TPCN1: variants seen among roughly 807,000 people sequenced by gnomAD.
The protein encoded by TPCN1 is two pore segment channel 1.
TPCN1 carries 52 observed loss-of-function variants against 108.8 expected under a neutral mutation model. The observed-to-expected ratio is 0.48, with a 90% CI of 0.38 to 0.60. The LOEUF (loss-of-function observed/expected upper bound fraction) is 0.60. Among genes scored for constraint, TPCN1 ranks in the 20% least tolerant of loss-of-function variants. TPCN1 has a pLI of 0.00. For missense variants in TPCN1, 806 were observed against 1,072.8 expected (o/e 0.75, Z 3.47); for synonymous variants, 446 against 433.7 (o/e 1.03, Z -0.35).
At chr12:113,260,919 A>G (rs936386155) in intron 3 of TPCN1, among the ~76,000 whole-genome samples, 4 of 151,416 alleles carry the variant, frequency 2.6e-5, no homozygotes, top group Non-Finnish European at 5.9e-5. Context: ...TTGGCCAGGC[A>G]TGGTCGCTCA....
rs1423495323 is a variant in TPCN1, at chr12:113,266,707, G to T, written c.414+351G>T. On this transcript the variant is annotated intron_variant, in intron 4 of 27. Coordinates refer to ENST00000335509, the MANE Select transcript of TPCN1 (RefSeq NM_017901.6). The surrounding 1 kb of genome is among the most constrained non-coding windows in gnomAD (Gnocchi z 4.2). ...CAGCCTCAAAGGAGAAGGCAGTTCGGTGTGGTCACCATGGGAGGTGGGGGA... is the reference window on the plus strand; with the variant it reads ...CAGCCTCAAAGGAGAAGGCAGTTCGTTGTGGTCACCATGGGAGGTGGGGGA... Among the ~76,000 whole-genome samples the T allele has an allele frequency of 6.6e-6, 1 of 152,324 alleles. No homozygotes were observed. Among genetic ancestry groups the T allele is most frequent in the East Asian group, 1.9e-4 (1 of 5,176 alleles).
At chr12:113,251,416 A>G (rs937946218) in intron 2 of TPCN1, among the ~76,000 whole-genome samples, 9 of 152,220 alleles carry the variant, frequency 5.9e-5, no homozygotes, top group African/African-American at 1.9e-4. Context: ...CCTCATTTCT[A>G]GTTATTACAA....
chr12:113,267,809 G>A (rs1331931580), intron 4 of TPCN1, 34 bp from the exon 5 acceptor site: 1 of 1,493,012 alleles, frequency 6.7e-7, no homozygotes, highest in Non-Finnish European at 9.3e-7. Flanking sequence ...GGGCTGGGCT[G>A]GCCATGACAC....
chr12:113,269,000 A>T lies in TPCN1; in HGVS notation c.659+128A>T. 9.4e-7 allele frequency: 1 copy of T among 1,058,814 alleles called. No homozygotes were observed. Among genetic ancestry groups the T allele is most frequent in the Non-Finnish European group, 1.4e-6 (1 of 720,270 alleles). The allele number at this position is 1,058,814 out of a possible 1,614,324, so 65.6% of individuals were successfully genotyped here. A position where few individuals can be genotyped will look rare whatever the true frequency, so the allele number is the denominator to read the frequency against. On this transcript the variant is annotated intron_variant, in intron 6 of 27. Coordinates refer to ENST00000335509, the MANE Select transcript of TPCN1 (RefSeq NM_017901.6). This position sits in a 1 kb window ranked among gnomAD's most constrained non-coding sequence, Gnocchi z 7.3. The stretch of plus-strand genomic sequence containing the variant: ...CTGCATGCTGGTGGAGTACACGCAG[A>T]CTCACTCTCCCTCTGCCATTCCATC...
chr12:113,247,744 G>T (rs560210346), intron 2 of TPCN1, among the ~76,000 whole-genome samples: 1 of 152,192 alleles, frequency 6.6e-6, no homozygotes, highest in Non-Finnish European at 1.5e-5. Context: ...CCAGTTGCTC[G>T]TGCCTTGATG....
Position 113,226,970 on chromosome 12 carries a change from A to G in TPCN1, c.112+6A>G. 6.2e-7 allele frequency: 1 copy of G among 1,610,370 alleles called. No homozygotes were observed. The highest frequency in any genetic ancestry group is 1.7e-4 in the Middle Eastern group (1 of 5,836). On this transcript the variant is annotated splice_donor_region_variant and intron_variant, in intron 2 of 27. Coordinates refer to ENST00000335509, the MANE Select transcript of TPCN1 (RefSeq NM_017901.6). Reference sequence around the variant, plus strand: ...AGAAGAGCTACCTAGCAAAAGTAAGATGGTGGGGTGGGCTGGGGGGACCCC... The same window carrying G: ...AGAAGAGCTACCTAGCAAAAGTAAGGTGGTGGGGTGGGCTGGGGGGACCCC...
At position 113,296,072 on chromosome 12, in the gene TPCN1, C is replaced by T. The variant is rs1241709734; in HGVS notation, c.2447C>T (p.Thr816Ile). Residue 816 changes from threonine (T) to isoleucine (I), a missense_variant, in exon 28 of 28, where the codon ACC (threonine) becomes ATC (isoleucine). By Grantham distance (89) the Thr-to-Ile change is moderately conservative. Coordinates refer to ENST00000335509, the MANE Select transcript of TPCN1 (RefSeq NM_017901.6). ...PGSRQRSQTV[T>I] ...AGCCGCCAGCGCTCCCAGACCGTTA[C>T]CTAGCCCAGCGCCCGAAAGCCGTCT... 2 of 1,612,596 alleles carry T rather than the reference C, an allele frequency of 1.2e-6. No homozygotes were observed. The highest frequency in any genetic ancestry group is 1.7e-6 in the Non-Finnish European group (2 of 1,179,370).
intron 17 of TPCN1, among the ~76,000 whole-genome samples, chr12:113,285,540 T>A (rs1375705196): frequency 6.6e-6 from 1 of 152,190 alleles, no homozygotes; most frequent in Non-Finnish European, 1.5e-5. Context: ...AATGCCTGGC[T>A]AATTTTTGTA....
chr12:113,288,856 G>T lies in TPCN1; in HGVS notation c.1796+9G>T, dbSNP rs1283051675. On this transcript the variant is annotated intron_variant, in intron 21 of 27. Transcript: ENST00000335509. This position sits in a 1 kb window ranked among gnomAD's most constrained non-coding sequence, Gnocchi z 4.8. ...TTCCCCAACTGCTGCAAGTGAGTAG[G>T]CCCCACCCAGCCCCAGGCAGCCTGC... The T allele has an allele frequency of 1.9e-6, 3 of 1,612,830 alleles. No individual in the cohort carries two copies. The highest frequency in any genetic ancestry group is 2.5e-6 in the Non-Finnish European group (3 of 1,179,758).
intron 2 of TPCN1, among the ~76,000 whole-genome samples, chr12:113,238,043 T>G (rs1566141662): frequency 1.3e-5 from 2 of 152,166 alleles, no homozygotes; most frequent in African/African-American, 4.8e-5. Context: ...CCATCTTGGG[T>G]TGATCAGGAA....
intron 2 of TPCN1, among the ~76,000 whole-genome samples, chr12:113,242,419 T>G (rs1413565662): frequency 6.6e-5 from 10 of 152,210 alleles, no homozygotes; most frequent in Admixed American, 6.5e-4. Flanking sequence ...CTGCCCGTCG[T>G]TTCCTCCCTC....
chr12:113,256,302 T>G (rs1043255867), intron 2 of TPCN1, among the ~76,000 whole-genome samples: 6 of 152,078 alleles, frequency 3.9e-5, no homozygotes, highest in Non-Finnish European at 8.8e-5. Context: ...TTTTTTTTTT[T>G]GTAGAGGTAG....
In TPCN1 at chr12:113,268,038, A is replaced by G; in HGVS notation, c.528+82A>G. 1 of 996,230 alleles carries G rather than the reference A, an allele frequency of 1.0e-6. No homozygotes were observed. Among genetic ancestry groups the G allele is most frequent in the Non-Finnish European group, 1.5e-6 (1 of 645,234 alleles). The allele number at this position is 996,230 out of a possible 1,614,324, so 61.7% of individuals were successfully genotyped here. A position where few individuals can be genotyped will look rare whatever the true frequency, so the allele number is the denominator to read the frequency against. On this transcript the variant is annotated intron_variant, in intron 5 of 27. Transcript: ENST00000335509. The surrounding 1 kb of genome is among the most constrained non-coding windows in gnomAD (Gnocchi z 7.3). Reference sequence around the variant, plus strand: ...CAAACCTGTCTCTTTGGTACAATTCAGAATCCACCATGGGCCCAGTCCATG... The same window carrying G: ...CAAACCTGTCTCTTTGGTACAATTCGGAATCCACCATGGGCCCAGTCCATG...
chr12:113,293,278 A>G lies in TPCN1; in HGVS notation c.2263A>G (p.Met755Val), dbSNP rs1566208949. Residue 755 changes from methionine (M) to valine (V), a missense_variant, in exon 27 of 28, where the codon ATG becomes GTG. Met to Val is a conservative substitution (Grantham distance 21). Transcript: ENST00000335509. The part of the protein sequence containing the change: ...SQMERYQQHS[M>V]VFLGRRSRTK... ...CTCTGCTCTTCCTTAGCAACATTCC[A>G]TGGTGTTTCTGGGACGGCGATCAAG... 7 of 1,613,980 alleles carry G rather than the reference A, an allele frequency of 4.3e-6. No homozygotes were observed. Among genetic ancestry groups the G allele is most frequent in the Non-Finnish European group, 5.9e-6 (7 of 1,180,000 alleles).
Position 113,224,470 on chromosome 12 carries a change from C to T in TPCN1, c.-125-2258C>T, listed in dbSNP as rs368583908. Among the ~76,000 whole-genome samples the T allele has an allele frequency of 7.2e-5, 11 of 152,118 alleles. 1 individual carries two copies. The South Asian group carries it at 2.3e-3, about 32-fold the overall frequency. ...GGAGTGCAGTGGTGCAATCTCGGCT[C>T]ACTGCAAGCTCCGCCTCCCGGGTTC... is the stretch of plus-strand genomic sequence containing the variant. On this transcript the variant is annotated intron_variant, in intron 1 of 27. Coordinates refer to ENST00000335509, the MANE Select transcript of TPCN1 (RefSeq NM_017901.6).
chr12:113,288,691 G>C lies in TPCN1; in HGVS notation c.1707-67G>C. Reference sequence around the variant, plus strand: ...CAGTCAGCCCCACGGGTCCGAGGAGGCCGGGGCTGCAGAGGAGCCGTTCCC... The same window carrying C: ...CAGTCAGCCCCACGGGTCCGAGGAGCCCGGGGCTGCAGAGGAGCCGTTCCC... On this transcript the variant is annotated intron_variant, in intron 20 of 27. Coordinates refer to ENST00000335509, the MANE Select transcript of TPCN1 (RefSeq NM_017901.6). The surrounding 1 kb of genome is among the most constrained non-coding windows in gnomAD (Gnocchi z 4.8). The C allele has an allele frequency of 6.3e-7, 1 of 1,595,286 alleles. No individual in the cohort carries two copies. The highest frequency in any genetic ancestry group is 1.1e-5 in the South Asian group (1 of 90,164).
At chr12:113,245,312 A>G (rs10850133) in intron 2 of TPCN1, among the ~76,000 whole-genome samples, 39,051 of 146,476 alleles carry the variant, frequency 0.27, 7,867 homozygotes, top group Middle Eastern at 0.41. Context: ...AGGTTAGAAA[A>G]GGGGGCTGGG....
At position 113,266,084 on chromosome 12, in the gene TPCN1, T is replaced by C; in HGVS notation, c.238-96T>C. On this transcript the variant is annotated intron_variant, in intron 3 of 27. Transcript: ENST00000335509. The surrounding 1 kb of genome is among the most constrained non-coding windows in gnomAD (Gnocchi z 4.2). ...TCTCTGGCCTGAATCTCTCCTCGCC[T>C]GCCTGGGGCCTTCCTTTCCTCCCCT... The C allele has an allele frequency of 7.4e-7, 1 of 1,358,816 alleles. No homozygotes were observed. The highest frequency in any genetic ancestry group is 1.0e-6 in the Non-Finnish European group (1 of 977,324). The allele number at this position is 1,358,816 out of a possible 1,614,324, so 84.2% of individuals were successfully genotyped here.
intron 23 of TPCN1, 28 bp from the exon 24 acceptor site, chr12:113,291,581 C>CG (rs750886118): frequency 6.2e-7 from 1 of 1,605,750 alleles, no homozygotes; most frequent in African/African-American, 1.3e-5. Context: ...TGGGCACCCC[C>CG]TCACTGGCTG....
Sources: allele counts gnomAD v4.1 joint callset (sites outside exome capture counted in the v4.1 genomes callset), GRCh38; gene constraint gnomAD v4.1.1; non-coding constraint Gnocchi (gnomAD v3.1); transcripts MANE v1.5; gene names NCBI Gene and HGNC (gene_info 2026-07-23, HGNC 2026-07-21).